BPIFB4: variants seen among roughly 807,000 people sequenced by gnomAD.
The protein encoded by BPIFB4 is BPI fold containing family B member 4.
In BPIFB4, 62 loss-of-function variants were observed where a neutral mutation model predicts 69.2. The observed-to-expected ratio is 0.90, with a 90% CI of 0.73 to 1.11. The LOEUF (loss-of-function observed/expected upper bound fraction) is 1.11. BPIFB4 is among the 50% of genes least tolerant of loss of function. The pLI is 0.00. For missense variants in BPIFB4, 789 were observed against 792.0 expected, an observed-to-expected ratio of 1.00 and a Z score of 0.04; for synonymous variants, 330 against 332.7, an observed-to-expected ratio of 0.99 and a Z score of 0.09.
chr20:33,109,557 T>C (rs1270877292), intron 17 of BPIFB4, among the ~76,000 whole-genome samples: 1 of 152,190 alleles, frequency 6.6e-6, no homozygotes, highest in Non-Finnish European at 1.5e-5. Context: ...TCAGTGGGGC[T>C]GTACTACACC....
chr20:33,083,455 G>A lies in BPIFB4; in HGVS notation c.258G>A (p.Gln86=). Residue 86 remains glutamine (Q), a synonymous_variant, in exon 5 of 18, where the codon CAG becomes CAA. Coordinates refer to ENST00000375483, the MANE Select transcript of BPIFB4 (RefSeq NM_182519.3). ...TNGKKLDGIY[Q]YGHIETNDNT... The stretch of plus-strand genomic sequence containing the variant: ...GCAAAAAACTTGATGGTATTTACCA[G>A]TATGGTCACATTGAGACCAACGACA... The A allele has an allele frequency of 1.2e-6, 2 of 1,613,886 alleles. No homozygotes were observed. The highest frequency in any genetic ancestry group is 1.7e-6 in the Non-Finnish European group (2 of 1,179,928).
At chr20:33,109,874 C>T (rs1156606929) in intron 17 of BPIFB4, among the ~76,000 whole-genome samples, 2 of 152,102 alleles carry the variant, frequency 1.3e-5, no homozygotes, top group Non-Finnish European at 2.9e-5. Context: ...ACCCTGTAGG[C>T]CCCCTGTAAA....
intron 17 of BPIFB4, among the ~76,000 whole-genome samples, chr20:33,109,813 TA>T (rs1247304668): frequency 6.6e-6 from 1 of 152,208 alleles, no homozygotes; most frequent in Non-Finnish European, 1.5e-5. Context: ...ATCAAATGTG[TA>T]ATGGGTATTG....
intron 7 of BPIFB4, among the ~76,000 whole-genome samples, chr20:33,086,680 C>A (rs1250375525): frequency 6.6e-6 from 1 of 152,142 alleles, no homozygotes; most frequent in Admixed American, 6.5e-5. Flanking sequence ...GGGTTGTGTG[C>A]GTTGGTGCCC....
intron 14 of BPIFB4, among the ~76,000 whole-genome samples, chr20:33,100,922 TC>T (rs34426195): frequency 0.56 from 85,020 of 151,870 alleles, 24,321 homozygotes; most frequent in Middle Eastern, 0.63. Flanking sequence ...GGGCTTGGTA[TC>T]CATGTGCCTG....
intron 11 of BPIFB4, among the ~76,000 whole-genome samples, chr20:33,094,754 TGCC>T (rs1399103206): frequency 6.6e-6 from 1 of 152,186 alleles, no homozygotes; most frequent in African/African-American, 2.4e-5. Context: ...GTGATCCACC[TGCC>T]TCGGCCTCCC....
intron 13 of BPIFB4, 64 bp from the exon 14 acceptor site, chr20:33,100,362 C>A (rs1438199854): frequency 5.7e-6 from 8 of 1,395,810 alleles, no homozygotes; most frequent in Middle Eastern, 1.8e-4. Context: ...ACACAATGAG[C>A]CTTTGGCAAG....
At chr20:33,099,397 A>G (rs1981845171) in intron 13 of BPIFB4, among the ~76,000 whole-genome samples, 1 of 152,166 alleles carries the variant, frequency 6.6e-6, no homozygotes, top group Non-Finnish European at 1.5e-5. Flanking sequence ...ATCAGCCTCT[A>G]CTGTGTGGAG....
chr20:33,084,989 G>C lies in BPIFB4; in HGVS notation c.775G>C (p.Gly259Arg). ...CTTGTACACCCGTGTGGCCATCAACGGGAAGAGGTGCGTGCCCTTGGCCCT... is the reference window on the plus strand; with the variant it reads ...CTTGTACACCCGTGTGGCCATCAACCGGAAGAGGTGCGTGCCCTTGGCCCT... ...LSLYTRVAINGKSLIGFLDIA... is the reference protein window; with the variant it reads ...LSLYTRVAINRKSLIGFLDIA... Residue 259 changes from glycine (G) to arginine (R), a missense_variant, in exon 6 of 18, where the codon GGG becomes CGG. By Grantham distance (125) the Gly-to-Arg change is moderately radical. This residue lies in a region of BPIFB4 where 611 missense variants were observed against 575.4 expected (regional missense o/e 1.06). Coordinates refer to ENST00000375483, the MANE Select transcript of BPIFB4 (RefSeq NM_182519.3). The C allele has an allele frequency of 1.2e-6, 2 of 1,611,690 alleles. No individual in the cohort carries two copies. Among genetic ancestry groups the C allele is most frequent in the Non-Finnish European group, 1.7e-6 (2 of 1,179,870 alleles).
chr20:33,107,728 GT>G lies in BPIFB4; in HGVS notation c.1745-10del. ...CTTGGACCACTGACCATGTCTGACT[GT>G]TTTTTATTTTACAGCTGTGCTGGGT... is the stretch of plus-strand genomic sequence containing the variant. On this transcript the variant is annotated splice_polypyrimidine_tract_variant and intron_variant, in intron 16 of 17. Coordinates refer to ENST00000375483, the MANE Select transcript of BPIFB4 (RefSeq NM_182519.3). 6.2e-7 allele frequency: 1 copy of G among 1,609,450 alleles called. No homozygotes were observed. The highest frequency in any genetic ancestry group is 8.5e-7 in the Non-Finnish European group (1 of 1,175,868).
At chr20:33,091,270 A>T (rs1263055303) in intron 10 of BPIFB4, among the ~76,000 whole-genome samples, 2 of 151,970 alleles carry the variant, frequency 1.3e-5, no homozygotes, top group East Asian at 2.0e-4. Flanking sequence ...CTCCATGATT[A>T]AAAAAAAGTC....
At chr20:33,084,846 G>A in intron 5 of BPIFB4, 46 bp from the exon 6 acceptor site, 2 of 1,589,010 alleles carry the variant, frequency 1.3e-6, no homozygotes, top group East Asian at 2.3e-5. Context: ...GTGAGTGGGT[G>A]GTAGTTGGGG....
intron 16 of BPIFB4, among the ~76,000 whole-genome samples, chr20:33,106,285 A>G (rs1159164527): frequency 6.6e-6 from 1 of 152,000 alleles, no homozygotes; most frequent in African/African-American, 2.4e-5. Context: ...CTCCACGTGC[A>G]CTTTCCATTA....
intron 13 of BPIFB4, 82 bp downstream of exon 13, chr20:33,097,869 C>A: frequency 7.3e-7 from 1 of 1,374,102 alleles, no homozygotes; most frequent in Non-Finnish European, 9.9e-7. Context: ...AAGACCCCTT[C>A]AAATCCCCTC....
At chr20:33,085,637 G>A (rs946960799) in intron 6 of BPIFB4, among the ~76,000 whole-genome samples, 9 of 152,140 alleles carry the variant, frequency 5.9e-5, no homozygotes, top group African/African-American at 1.9e-4. Context: ...GGCCGTAAGT[G>A]GGGAAAGGCA....
At chr20:33,103,084 G>A in intron 15 of BPIFB4, 70 bp downstream of exon 15, 1 of 1,539,664 alleles carries the variant, frequency 6.5e-7, no homozygotes, top group Non-Finnish European at 9.0e-7. Context: ...TTCCGGGAAT[G>A]GTGTTCCTGT....
chr20:33,100,939 C>T (rs1846313051), intron 14 of BPIFB4, among the ~76,000 whole-genome samples: 1 of 152,062 alleles, frequency 6.6e-6, no homozygotes, highest in African/African-American at 2.4e-5. Flanking sequence ...GCCTGTAATC[C>T]CAGCTACTCA....
chr20:33,083,065 A>G, intron 4 of BPIFB4, 65 bp downstream of exon 4: 2 of 527,584 alleles, frequency 3.8e-6, no homozygotes, highest in South Asian at 7.0e-5. Flanking sequence ...GTGGAAGTGG[A>G]GGTGGTGGGG....
rs375384271 is a variant in BPIFB4 at position 33,097,785 on chromosome 20, G to A, written c.1567G>A (p.Val523Met). 1.5e-5 allele frequency: 24 copies of A among 1,610,186 alleles called. No homozygotes were observed. Among genetic ancestry groups the A allele is most frequent in the African/African-American group, 4.0e-5 (3 of 74,808 alleles). The change falls in exon 13 of 18, where the codon GTG becomes ATG. Residue 523 changes from valine (V) to methionine (M), a missense_variant and splice_region_variant. By Grantham distance (21) the Val-to-Met change is conservative. Transcript: ENST00000375483. ...GGAGACTACCATCTGCCTCATTGAC[G>A]TGGTGAGTGTCTGGAGGTACTGGTG... is the stretch of plus-strand genomic sequence containing the variant. ...DLETTICLID[V>M]DTEFLASFST...
Sources: gnomAD v4.1 joint callset for allele counts (sites outside exome capture counted in the v4.1 genomes callset) on GRCh38, gnomAD v4.1.1 for gene constraint, gnomAD v4.1.1 regional missense constraint, MANE v1.5 for transcripts, NCBI Gene and HGNC (gene_info 2026-07-23, HGNC 2026-07-21) for gene names.